The following DYNLT2 variants were observed in gnomAD, a reference collection of about 807,000 sequenced individuals.
The protein encoded by DYNLT2 is dynein light chain Tctex-type 2.
Under a neutral mutation model 24.3 loss-of-function variants are expected in DYNLT2, and 24 were observed. The ratio of observed to expected loss-of-function variants is 0.99; its 90% CI spans 0.71 to 1.39. DYNLT2 has a LOEUF of 1.39. DYNLT2 is among the 40% of genes most tolerant of loss of function. The pLI, the probability that DYNLT2 is intolerant of heterozygous loss-of-function variation, is 0.00. For missense variants in DYNLT2, 246 were observed against 234.5 expected (o/e 1.05, Z -0.32); for synonymous variants, 85 against 85.4 (o/e 1.00, Z 0.03).
chr6:169,734,679 T>G, the DYNLT2 span, among the ~76,000 whole-genome samples: 1 of 152,240 alleles, frequency 6.6e-6, no homozygotes, highest in Admixed American at 6.5e-5. Context: ...GCTGCTGGAT[T>G]CGGTTGGCCA....
At chr6:169,748,639 G>T (rs1373785695) in intron 1 of DYNLT2, among the ~76,000 whole-genome samples, 1 of 152,098 alleles carries the variant, frequency 6.6e-6, no homozygotes, top group Non-Finnish European at 1.5e-5. Flanking sequence ...AAATCATTTT[G>T]TTCTTGTTTA....
chr6:169,742,784 A>G (rs1355829113), intron 3 of DYNLT2, among the ~76,000 whole-genome samples: 2 of 152,108 alleles, frequency 1.3e-5, no homozygotes. Flanking sequence ...TTTTTAGTAG[A>G]GACGGGGTTT....
the DYNLT2 span, among the ~76,000 whole-genome samples, chr6:169,730,651 T>G: frequency 1.3e-5 from 2 of 152,106 alleles, no homozygotes; most frequent in Middle Eastern, 3.2e-3. Flanking sequence ...TCCCAGCACT[T>G]TGGGAGGCCG....
At chr6:169,730,959 G>A in the DYNLT2 span, among the ~76,000 whole-genome samples, 4 of 152,154 alleles carry the variant, frequency 2.6e-5, no homozygotes, top group Admixed American at 2.6e-4. Context: ...AGTGGGGTCA[G>A]GTGATACTAC....
At chr6:169,746,482 G>A (rs1789802580) in intron 1 of DYNLT2, among the ~76,000 whole-genome samples, 1 of 152,196 alleles carries the variant, frequency 6.6e-6, no homozygotes, top group East Asian at 1.9e-4. Flanking sequence ...TTGTAACAGT[G>A]TTTTTTGATG....
At chr6:169,732,020 C>A in the DYNLT2 span, among the ~76,000 whole-genome samples, 1 of 152,176 alleles carries the variant, frequency 6.6e-6, no homozygotes, top group Non-Finnish European at 1.5e-5. Flanking sequence ...GCAATTAATT[C>A]ATCCTGACAA....
rs531693900 is a variant in DYNLT2, at chr6:169,743,911, A to G, written c.327+157T>C. 2.6e-5 allele frequency among the ~76,000 whole-genome samples: 4 copies of G among 152,336 alleles called. No individual in the cohort carries two copies. In the East Asian group the frequency reaches 7.7e-4, roughly 29 times the overall value. The stretch of plus-strand genomic sequence containing the variant: ...CAGACAGACTACACATCTCTGATTA[A>G]CTAACTTGTTGTGCCTGCACCAATG... On this transcript the variant is annotated intron_variant, in intron 2 of 3. Transcript: ENST00000366774.
At chr6:169,749,854 G>A (rs1361373412) in intron 1 of DYNLT2, 1 of 152,188 alleles carries the variant, frequency 6.6e-6, no homozygotes, top group Non-Finnish European at 1.5e-5. Flanking sequence ...TGATGAAACA[G>A]TATGTCTTAA....
At chr6:169,730,478 T>C in the DYNLT2 span, among the ~76,000 whole-genome samples, 13 of 152,180 alleles carry the variant, frequency 8.5e-5, no homozygotes, top group Non-Finnish European at 1.6e-4. Flanking sequence ...AAAAACAGCC[T>C]TCATTTGAGA....
intron 2 of DYNLT2, among the ~76,000 whole-genome samples, 199 bp downstream of exon 2, chr6:169,743,869 C>G (rs938640566): frequency 9.8e-5 from 15 of 152,310 alleles, no homozygotes; most frequent in Admixed American, 5.9e-4. Flanking sequence ...AAACCAGGAG[C>G]AGAACTGGAC....
the DYNLT2 span, among the ~76,000 whole-genome samples, chr6:169,729,972 G>A: frequency 2.0e-5 from 3 of 152,206 alleles, no homozygotes; most frequent in Non-Finnish European, 4.4e-5. Flanking sequence ...AGCTAAGACA[G>A]TGCCCATCTG....
the DYNLT2 span, chr6:169,725,728 C>G: frequency 6.4e-6 from 1 of 157,254 alleles, no homozygotes; most frequent in South Asian, 2.1e-4. Context: ...ATTGTGAAAG[C>G]TGTCAGAGAA....
chr6:169,725,187 G>C, the DYNLT2 span: 1 of 398,874 alleles, frequency 2.5e-6, no homozygotes, highest in Non-Finnish European at 4.4e-6. Flanking sequence ...GCCTGGGTCC[G>C]GGGCGGCCCG....
chr6:169,728,162 T>C, the DYNLT2 span, among the ~76,000 whole-genome samples: 2 of 152,062 alleles, frequency 1.3e-5, no homozygotes, highest in Non-Finnish European at 2.9e-5. Context: ...GTTTTCCAGG[T>C]GAGGAAGAGG....
At position 169,743,316 on chromosome 6, in the gene DYNLT2, T is replaced by G. The variant is rs370382795; in HGVS notation, c.328-78A>C. Reference sequence around the variant, plus strand: ...TATAAAAATTCAAGTAGAAAACATGTCTAAATAATATATATATAACTGTTT... The same window carrying G: ...TATAAAAATTCAAGTAGAAAACATGGCTAAATAATATATATATAACTGTTT... On this transcript the variant is annotated intron_variant, in intron 2 of 3. Transcript: ENST00000366774. 1.8e-4 allele frequency: 141 copies of G among 763,126 alleles called. 1 individual carries two copies. The South Asian group carries it at 2.8e-3, about 15-fold the overall frequency. 47.3% of individuals were successfully genotyped at this position (763,126 alleles called of 1,614,324 possible).
the DYNLT2 span, among the ~76,000 whole-genome samples, chr6:169,732,378 G>C: frequency 2.0e-5 from 3 of 152,026 alleles, no homozygotes; most frequent in Admixed American, 2.0e-4. Flanking sequence ...TGTTACATAG[G>C]TATACATGTG....
chr6:169,728,641 C>T, the DYNLT2 span, among the ~76,000 whole-genome samples: 48 of 151,682 alleles, frequency 3.2e-4, no homozygotes, highest in Non-Finnish European at 3.1e-4. Flanking sequence ...GTTACTGCTA[C>T]GTAGACATAT....
intron 1 of DYNLT2, 88 bp downstream of exon 1, chr6:169,751,251 G>A: frequency 3.9e-6 from 6 of 1,519,566 alleles, no homozygotes; most frequent in Non-Finnish European, 5.3e-6. Context: ...CTCTGGGGGT[G>A]GTGACGGGAG....
At chr6:169,744,919 G>A (rs965880863) in intron 1 of DYNLT2, among the ~76,000 whole-genome samples, 1 of 152,140 alleles carries the variant, frequency 6.6e-6, no homozygotes, top group Non-Finnish European at 1.5e-5. Flanking sequence ...AAAGCAGTAA[G>A]CTTCATTTTA....
Sources: allele counts gnomAD v4.1 joint callset (sites outside exome capture counted in the v4.1 genomes callset), GRCh38; gene constraint gnomAD v4.1.1; transcripts MANE v1.5; gene names NCBI Gene and HGNC (gene_info 2026-07-23, HGNC 2026-07-21).